The following RBFOX1 variants were observed in gnomAD, a reference collection of about 807,000 sequenced individuals.
RBFOX1 encodes the protein RNA binding protein fox-1 homolog 1.
A neutral mutation model predicts 57.7 loss-of-function variants in RBFOX1; 8 were observed. That is an observed-to-expected ratio of 0.14 (90% CI 0.08 to 0.25). RBFOX1 has a LOEUF of 0.25. Among genes scored for constraint, RBFOX1 ranks in the 10% least tolerant of loss-of-function variants. The pLI, the probability that RBFOX1 is intolerant of heterozygous loss-of-function variation, is 1.00. For missense variants in RBFOX1, 611 were observed against 548.5 expected (o/e 1.11, Z -1.14); for synonymous variants, 326 against 222.4 (o/e 1.47, Z -4.15).
chr16:6,681,688 T>G (rs1478475092), intron 3 of RBFOX1, among the ~76,000 whole-genome samples: 1 of 137,020 alleles, frequency 7.3e-6, no homozygotes, highest in Non-Finnish European at 1.6e-5. Context: ...AAAAAAAAAA[T>G]CTTTCTCCAA....
intron 3 of RBFOX1, among the ~76,000 whole-genome samples, chr16:6,832,852 G>T (rs148599723): frequency 6.6e-6 from 1 of 152,170 alleles, no homozygotes; most frequent in Admixed American, 6.5e-5. Context: ...TCCCAACTAC[G>T]TATCAAAGCC....
At chr16:7,130,286 C>T (rs1031191877) in intron 4 of RBFOX1, among the ~76,000 whole-genome samples, 12 of 152,138 alleles carry the variant, frequency 7.9e-5, no homozygotes, top group Admixed American at 7.2e-4. Flanking sequence ...CTACCCACAT[C>T]AGCTTCCCAA....
At chr16:5,862,153 C>T (rs778164087) in intron 3 of RBFOX1, among the ~76,000 whole-genome samples, 1 of 152,200 alleles carries the variant, frequency 6.6e-6, no homozygotes, top group African/African-American at 2.4e-5. Flanking sequence ...CTGGCAAAGA[C>T]GACCTGCTAG....
intron 4 of RBFOX1, among the ~76,000 whole-genome samples, chr16:7,127,589 G>T (rs1453709451): frequency 6.6e-6 from 1 of 152,194 alleles, no homozygotes; most frequent in African/African-American, 2.4e-5. Context: ...TGTACATTCT[G>T]TATCATGGTG....
At chr16:7,690,618 T>C (rs1338959487) in intron 14 of RBFOX1, among the ~76,000 whole-genome samples, 3 of 152,096 alleles carry the variant, frequency 2.0e-5, no homozygotes, top group Admixed American at 6.6e-5. Flanking sequence ...GCCTTCTTTC[T>C]TCTCCTGAGA....
chr16:6,264,870 T>A (rs1279029581), intron 1 of RBFOX1, among the ~76,000 whole-genome samples: 2 of 152,330 alleles, frequency 1.3e-5, no homozygotes, highest in East Asian at 3.9e-4. Context: ...TCTGAGTCCA[T>A]GGCATATGAC....
intron 3 of RBFOX1, among the ~76,000 whole-genome samples, chr16:6,766,509 C>G (rs959172086): frequency 6.6e-6 from 1 of 151,818 alleles, no homozygotes; most frequent in Non-Finnish European, 1.5e-5. Flanking sequence ...AGAAAATATT[C>G]CGGAATAGCA....
chr16:5,391,513 C>T (rs519576), intron 1 of RBFOX1, among the ~76,000 whole-genome samples: 66,809 of 151,908 alleles, frequency 0.44, 15,249 homozygotes, highest in African/African-American at 0.54. Context: ...AGAATCTCCC[C>T]ATTTTAAGGT....
chr16:7,080,784 T>G (rs1207456047), intron 4 of RBFOX1, among the ~76,000 whole-genome samples: 1 of 152,218 alleles, frequency 6.6e-6, no homozygotes, highest in East Asian at 1.9e-4. Flanking sequence ...CATCATTCAT[T>G]GCGTGGAAGA....
At chr16:6,283,113 G>C (rs2076564264) in intron 1 of RBFOX1, among the ~76,000 whole-genome samples, 1 of 152,156 alleles carries the variant, frequency 6.6e-6, no homozygotes, top group Admixed American at 6.5e-5. Context: ...GATCACTTGA[G>C]CTCAGGAGTG....
intron 10 of RBFOX1, among the ~76,000 whole-genome samples, chr16:7,623,596 G>A (rs1248458278): frequency 1.3e-5 from 2 of 152,146 alleles, no homozygotes; most frequent in Non-Finnish European, 2.9e-5. Context: ...AATGAGGAGC[G>A]GCTGTCAATA....
intron 1 of RBFOX1, among the ~76,000 whole-genome samples, chr16:5,292,880 C>T (rs1482170615): frequency 2.0e-5 from 3 of 152,016 alleles, no homozygotes; most frequent in Non-Finnish European, 4.4e-5. Flanking sequence ...ACCTCGGCCT[C>T]CCAAAGTGCT....
chr16:5,705,712 A>C (rs1156811036), intron 3 of RBFOX1, among the ~76,000 whole-genome samples: 6 of 152,192 alleles, frequency 3.9e-5, no homozygotes, highest in Admixed American at 3.9e-4. Flanking sequence ...CATCCTAACA[A>C]GGGGATTATG....
chr16:5,547,074 G>T (rs1454365755), intron 2 of RBFOX1, among the ~76,000 whole-genome samples: 2 of 152,176 alleles, frequency 1.3e-5, no homozygotes, highest in Non-Finnish European at 2.9e-5. Context: ...CTTCTAGGAT[G>T]ACTGAAAGTA....
chr16:5,837,419 C>G (rs1223633306), intron 3 of RBFOX1, among the ~76,000 whole-genome samples: 1 of 152,070 alleles, frequency 6.6e-6, no homozygotes, highest in African/African-American at 2.4e-5. Flanking sequence ...CAGTCCAAGT[C>G]TGACTCAGAC....
intron 3 of RBFOX1, among the ~76,000 whole-genome samples, chr16:7,026,267 C>T (rs2040897113): frequency 1.3e-5 from 2 of 152,152 alleles, no homozygotes; most frequent in South Asian, 2.1e-4. Flanking sequence ...TTTCCTGCTC[C>T]TGACTTGGAG....
At chr16:5,992,426 T>G (rs1289781206) in intron 4 of RBFOX1, among the ~76,000 whole-genome samples, 1 of 152,210 alleles carries the variant, frequency 6.6e-6, no homozygotes, top group Non-Finnish European at 1.5e-5. Context: ...CACTCAGTAC[T>G]GTGTAGAATG....
chr16:5,312,221 G>C (rs1056327518), intron 1 of RBFOX1, among the ~76,000 whole-genome samples: 1 of 152,238 alleles, frequency 6.6e-6, no homozygotes, highest in Non-Finnish European at 1.5e-5. Flanking sequence ...GTGAAAGAGG[G>C]TCTCTGAAGC....
chr16:5,702,538 A>G (rs1342480984), intron 3 of RBFOX1, among the ~76,000 whole-genome samples: 1 of 152,240 alleles, frequency 6.6e-6, no homozygotes. Flanking sequence ...TGAGCATTCC[A>G]ACAACTTTCC....
Sources: gnomAD v4.1 joint callset for allele counts (sites outside exome capture counted in the v4.1 genomes callset) on GRCh38, gnomAD v4.1.1 for gene constraint, MANE v1.5 for transcripts, NCBI Gene and HGNC (gene_info 2026-07-23, HGNC 2026-07-21) for gene names.